PALM2AKAP2: variants seen among roughly 807,000 people sequenced by gnomAD.
PALM2AKAP2 encodes the protein PALM2-AKAP2 fusion protein.
A neutral mutation model predicts 71.5 loss-of-function variants in PALM2AKAP2; 37 were observed. The observed-to-expected ratio is 0.52, with a 90% CI of 0.40 to 0.68. PALM2AKAP2 has a LOEUF of 0.68. Among genes scored for constraint, PALM2AKAP2 ranks in the 30% least tolerant of loss-of-function variants. PALM2AKAP2 has a pLI of 0.00. For missense variants in PALM2AKAP2, 1,224 were observed against 1,191.8 expected (o/e 1.03, Z -0.40); for synonymous variants, 468 against 478.8 (o/e 0.98, Z 0.29).
intron 1 of PALM2AKAP2, among the ~76,000 whole-genome samples, chr9:109,764,045 A>G (rs892913200): frequency 3.3e-5 from 5 of 152,142 alleles, no homozygotes; most frequent in Admixed American, 3.3e-4. Context: ...TTGGACAGCC[A>G]CTATTCACCC....
intron 1 of PALM2AKAP2, among the ~76,000 whole-genome samples, chr9:109,691,217 C>G (rs1827880344): frequency 8.1e-6 from 1 of 123,310 alleles, no homozygotes; most frequent in Non-Finnish European, 1.8e-5. Context: ...GCACACACAG[C>G]TTCATATATC....
chr9:109,765,534 T>C (rs1218441284), intron 1 of PALM2AKAP2: 1 of 155,124 alleles, frequency 6.4e-6, no homozygotes. Flanking sequence ...TCTGTGGTTT[T>C]TAATAGTGGC....
intron 1 of PALM2AKAP2, among the ~76,000 whole-genome samples, chr9:109,758,556 A>G (rs1829002247): frequency 1.3e-5 from 2 of 151,414 alleles, no homozygotes; most frequent in African/African-American, 2.4e-5. Flanking sequence ...GTGTGTGTCA[A>G]TGTAAAGACA....
intron 1 of PALM2AKAP2, among the ~76,000 whole-genome samples, chr9:109,829,777 C>CT (rs1464718321): frequency 4.0e-5 from 6 of 151,728 alleles, no homozygotes; most frequent in African/African-American, 1.5e-4. Flanking sequence ...GCTTGGTAAC[C>CT]CTGTTCACTT....
intron 1 of PALM2AKAP2, among the ~76,000 whole-genome samples, chr9:110,089,962 C>T (rs1016136635): frequency 6.6e-6 from 1 of 152,130 alleles, no homozygotes; most frequent in African/African-American, 2.4e-5. Flanking sequence ...TACTGCTTAC[C>T]CAGGGCATGT....
chr9:109,647,248 G>A (rs1321780949), intron 1 of PALM2AKAP2, among the ~76,000 whole-genome samples: 2 of 152,130 alleles, frequency 1.3e-5, no homozygotes, highest in Non-Finnish European at 1.5e-5. Flanking sequence ...GTCAGCCTGT[G>A]TAGCTCAGTG....
chr9:110,027,252 G>T (rs538452094), intron 7 of PALM2AKAP2, among the ~76,000 whole-genome samples: 12 of 152,102 alleles, frequency 7.9e-5, no homozygotes, highest in Non-Finnish European at 1.0e-4. Context: ...CACCTGCTTG[G>T]CTGTGCATCA....
chr9:110,078,467 A>T (rs530206222), intron 1 of PALM2AKAP2, among the ~76,000 whole-genome samples: 16 of 152,294 alleles, frequency 1.1e-4, no homozygotes, highest in African/African-American at 3.9e-4. Context: ...TTATTTTAGC[A>T]CTTATGAATT....
upstream of PALM2AKAP2, among the ~76,000 whole-genome samples, chr9:109,779,147 C>T (rs1159831385): frequency 6.6e-6 from 1 of 152,140 alleles, no homozygotes; most frequent in African/African-American, 2.4e-5. Context: ...GTGTTTATTT[C>T]ATTTGATGAA....
At position 109,884,071 on chromosome 9, in the gene PALM2AKAP2, A is replaced by G. The variant is rs1480077006; in HGVS notation, c.257+3390A>G. Among the ~76,000 whole-genome samples the G allele has an allele frequency of 2.6e-5, 4 of 152,262 alleles. 1 individual carries two copies. Among genetic ancestry groups the G allele is most frequent in the African/African-American group, 9.6e-5 (4 of 41,470 alleles). The stretch of plus-strand genomic sequence containing the variant: ...GGAAGGGTGAAGAATGGGGATGAAT[A>G]ATTCAGTTTTCCAGGAGCATGATTG... On this transcript the variant is annotated intron_variant, in intron 3 of 9. Coordinates refer to the PALM2AKAP2 transcript ENST00000302798.
intron 1 of PALM2AKAP2, among the ~76,000 whole-genome samples, chr9:109,659,270 T>C (rs1186734455): frequency 6.6e-6 from 1 of 152,206 alleles, no homozygotes; most frequent in Non-Finnish European, 1.5e-5. Context: ...AAGTGTACTG[T>C]TCAATGGCTT....
At chr9:109,862,857 G>A (rs778412426) in intron 1 of PALM2AKAP2, 17 of 503,232 alleles carry the variant, frequency 3.4e-5, no homozygotes, top group Admixed American at 1.2e-4. Flanking sequence ...GTTAGAGGAA[G>A]CAATAAGAAC....
intron 3 of PALM2AKAP2, among the ~76,000 whole-genome samples, chr9:110,160,526 T>C (rs1000791647): frequency 2.0e-5 from 3 of 152,162 alleles, no homozygotes; most frequent in African/African-American, 7.2e-5. Flanking sequence ...ATGGGCTATT[T>C]GGATGTTTTT....
intron 1 of PALM2AKAP2, among the ~76,000 whole-genome samples, chr9:109,866,224 A>G (rs1829445111): frequency 6.6e-6 from 1 of 152,234 alleles, no homozygotes; most frequent in Non-Finnish European, 1.5e-5. Context: ...CATAGCGACT[A>G]CATAAAATAA....
intron 1 of PALM2AKAP2, among the ~76,000 whole-genome samples, chr9:109,691,976 G>C (rs1185727632): frequency 7.3e-6 from 1 of 137,086 alleles, no homozygotes; most frequent in Non-Finnish European, 1.6e-5. Context: ...CTCCATCTCA[G>C]TATTCATTAG....
At chr9:110,027,839 G>T (rs1399802102) in intron 7 of PALM2AKAP2, among the ~76,000 whole-genome samples, 2 of 152,188 alleles carry the variant, frequency 1.3e-5, no homozygotes, top group African/African-American at 4.8e-5. Context: ...AAGGCCTTTT[G>T]TTGCCAGTGG....
At chr9:109,648,543 C>G (rs1242191123) in intron 1 of PALM2AKAP2, among the ~76,000 whole-genome samples, 1 of 152,106 alleles carries the variant, frequency 6.6e-6, no homozygotes, top group East Asian at 1.9e-4. Flanking sequence ...AAATTAAGCA[C>G]ATTAGGAGAC....
At chr9:109,801,084 A>G (rs1228035669) in intron 1 of PALM2AKAP2, among the ~76,000 whole-genome samples, 3 of 152,236 alleles carry the variant, frequency 2.0e-5, no homozygotes, top group Non-Finnish European at 4.4e-5. Context: ...AAGAAGCAAG[A>G]TAACAGGGTA....
chr9:109,782,741 T>TG (rs1826846660), intron 1 of PALM2AKAP2, among the ~76,000 whole-genome samples: 1 of 111,118 alleles, frequency 9.0e-6, no homozygotes, highest in Non-Finnish European at 1.7e-5. Flanking sequence ...AGCGTGTGTT[T>TG]GTTTGTGTGT....
Sources: allele counts gnomAD v4.1 joint callset (sites outside exome capture counted in the v4.1 genomes callset), GRCh38; gene constraint gnomAD v4.1.1; transcripts MANE v1.5; gene names NCBI Gene and HGNC (gene_info 2026-07-23, HGNC 2026-07-21).